Variants in CFH observed in about 807,000 individuals in gnomAD.
The protein encoded by CFH is complement factor H.
In CFH, 53 loss-of-function variants were observed where a neutral mutation model predicts 147.3. The observed-to-expected ratio is 0.36, with a 90% CI of 0.29 to 0.45. The LOEUF (loss-of-function observed/expected upper bound fraction) is 0.45, where lower values mean the gene tolerates loss of function less well. Ranked by LOEUF, CFH falls within the 20% of genes least tolerant of loss-of-function variation. CFH has a pLI of 1.00. For synonymous variants in CFH, 536 were observed against 489.4 expected, an observed-to-expected ratio of 1.10 and a Z score of -1.26; for missense variants, 1,380 against 1,498.0, an observed-to-expected ratio of 0.92 and a Z score of 1.30.
rs990248407 is a variant in CFH, at chr1:196,676,461, C to T, written c.427+396C>T. Among the ~76,000 whole-genome samples, 9 of 152,092 alleles carry T rather than the reference C, an allele frequency of 5.9e-5. No homozygotes were observed. The East Asian group carries it at 9.7e-4, about 16-fold the overall frequency. On this transcript the variant is annotated intron_variant, in intron 4 of 21. Transcript: ENST00000367429. ...CTATGGTAACAGCTGAAGTGGAGAA[C>T]GTGATTGAGACCTCCCACTAAGGGA...
chr1:196,703,058 T>C (rs1273270384), intron 9 of CFH, among the ~76,000 whole-genome samples: 1 of 152,228 alleles, frequency 6.6e-6, no homozygotes, highest in Non-Finnish European at 1.5e-5. Context: ...ATTGGACATG[T>C]TTTTGTCTCA....
intron 7 of CFH, among the ~76,000 whole-genome samples, chr1:196,688,986 A>G (rs1667929296): frequency 6.6e-6 from 1 of 151,892 alleles, no homozygotes; most frequent in African/African-American, 2.4e-5. Context: ...TTGTTCTGAG[A>G]AGAAAATGCA....
intron 4 of CFH, among the ~76,000 whole-genome samples, chr1:196,676,717 C>T (rs1327226217): frequency 1.3e-5 from 2 of 151,914 alleles, no homozygotes; most frequent in Non-Finnish European, 1.5e-5. Context: ...ACAGAAGAAA[C>T]GTGATAATCA....
At chr1:196,709,471 G>C (rs942013413) in intron 9 of CFH, among the ~76,000 whole-genome samples, 1 of 152,036 alleles carries the variant, frequency 6.6e-6, no homozygotes, top group Non-Finnish European at 1.5e-5. Context: ...AATGGCCATT[G>C]CCCGATTCAT....
chr1:196,673,524 A>C (rs903431115), intron 2 of CFH: 1 of 372,486 alleles, frequency 2.7e-6, no homozygotes, highest in African/African-American at 2.1e-5. Flanking sequence ...TTTAGTAGAG[A>C]TGGGGTTTCA....
At chr1:196,705,597 AGGGAT>A (rs1432014292) in intron 9 of CFH, among the ~76,000 whole-genome samples, 1 of 152,188 alleles carries the variant, frequency 6.6e-6, no homozygotes, top group Non-Finnish European at 1.5e-5. Flanking sequence ...ATGAGAGAGA[AGGGAT>A]GGGTTTAGGA....
intron 7 of CFH, among the ~76,000 whole-genome samples, chr1:196,688,959 T>A (rs1667927802): frequency 6.6e-6 from 1 of 152,062 alleles, no homozygotes; most frequent in Non-Finnish European, 1.5e-5. Context: ...CTCAAAATAC[T>A]ACTTCCTTAC....
intron 5 of CFH, 55 bp downstream of exon 5, chr1:196,677,722 TTAAAACATCGTTCATTCTAAGGAATATC>T: frequency 2.0e-6 from 3 of 1,481,856 alleles, no homozygotes; most frequent in Non-Finnish European, 2.8e-6. Flanking sequence ...AAATATACAT[TTAAAACATCGTTCATTCTAAGGAATATC>T]AGCAATATTA....
chr1:196,735,025 T>C (rs1352664052), intron 15 of CFH, among the ~76,000 whole-genome samples: 1 of 152,156 alleles, frequency 6.6e-6, no homozygotes, highest in African/African-American at 2.4e-5. Context: ...TATCATACTT[T>C]GAAAATATAA....
intron 15 of CFH, among the ~76,000 whole-genome samples, chr1:196,732,149 T>A (rs1365975232): frequency 6.6e-6 from 1 of 152,064 alleles, no homozygotes; most frequent in Non-Finnish European, 1.5e-5. Flanking sequence ...GTATTCCATC[T>A]GGATCTTAAG....
intron 9 of CFH, among the ~76,000 whole-genome samples, chr1:196,696,236 A>G (rs935065010): frequency 2.0e-5 from 3 of 152,132 alleles, no homozygotes; most frequent in African/African-American, 7.2e-5. Flanking sequence ...CAAACGCAAA[A>G]GAACAAAAAC....
intron 1 of CFH, among the ~76,000 whole-genome samples, chr1:196,658,682 C>G (rs1666801143): frequency 2.6e-5 from 4 of 151,932 alleles, no homozygotes; most frequent in Admixed American, 2.6e-4. Flanking sequence ...GCCTTGGCCT[C>G]CCAAAGTGCT....
Position 196,713,737 on chromosome 1 carries a change from A to C in CFH, c.1339A>C (p.Thr447Pro), listed in dbSNP as rs1227859215. 5.1e-6 allele frequency: 8 copies of C among 1,569,104 alleles called. No individual in the cohort carries two copies. The South Asian group carries it at 8.9e-5, about 18-fold the overall frequency. The change falls in exon 10 of 22, where the codon ACA becomes CCA. Residue 447 changes from threonine to proline, a missense_variant and splice_region_variant. Around this residue, in one of 4 missense-constraint regions of CFH, gnomAD observed 830 missense variants for 821.4 expected, o/e 1.01. Transcript: ENST00000367429. ...TTTCTTATTCTCTTCCCTTTTAGAA[A>C]CATGTTCCAAATCAAGTATAGATAT... ...SPTPRCIRVK[T>P]CSKSSIDIEN...
intron 9 of CFH, among the ~76,000 whole-genome samples, chr1:196,701,003 T>G (rs1281044875): frequency 2.0e-5 from 3 of 152,178 alleles, no homozygotes; most frequent in Non-Finnish European, 4.4e-5. Flanking sequence ...TGACACTCCC[T>G]AAGTCTAGGT....
intron 8 of CFH, 81 bp from the exon 9 acceptor site, chr1:196,689,982 A>G (rs951966901): frequency 1.5e-6 from 2 of 1,374,222 alleles, no homozygotes; most frequent in African/African-American, 2.9e-5. Context: ...TAAATATTGT[A>G]AAAATAATTG....
intron 6 of CFH, among the ~76,000 whole-genome samples, chr1:196,683,062 GA>G (rs1183554161): frequency 6.6e-6 from 1 of 151,212 alleles, no homozygotes; most frequent in Non-Finnish European, 1.5e-5. Flanking sequence ...CAGGAGATGA[GA>G]TGTGACAAGT....
At chr1:196,721,857 A>G (rs1280176660) in intron 11 of CFH, among the ~76,000 whole-genome samples, 2 of 151,492 alleles carry the variant, frequency 1.3e-5, no homozygotes, top group African/African-American at 4.8e-5. Flanking sequence ...ATATATAAAT[A>G]TAACTATACC....
intron 8 of CFH, 29 bp downstream of exon 8, chr1:196,689,643 A>G (rs1280407296): frequency 3.1e-6 from 5 of 1,609,272 alleles, no homozygotes; most frequent in African/African-American, 2.7e-5. Flanking sequence ...TGCTATATAT[A>G]TGTATAAAAC....
At chr1:196,673,520 A>G (rs1667354752) in intron 2 of CFH, 1 of 371,592 alleles carries the variant, frequency 2.7e-6, no homozygotes, top group South Asian at 2.4e-5. Context: ...TATTTTTAGT[A>G]GAGATGGGGT....
Sources: gnomAD v4.1 joint callset for allele counts (sites outside exome capture counted in the v4.1 genomes callset) on GRCh38, gnomAD v4.1.1 for gene constraint, gnomAD v4.1.1 regional missense constraint, MANE v1.5 for transcripts, NCBI Gene and HGNC (gene_info 2026-07-23, HGNC 2026-07-21) for gene names.